PSD3: variants seen among roughly 807,000 people sequenced by gnomAD.
PSD3 encodes the protein PH and SEC7 domain-containing protein 3.
In PSD3, 49 loss-of-function variants were observed where a neutral mutation model predicts 105.5. That is an observed-to-expected ratio of 0.46 (90% CI 0.37 to 0.59). The LOEUF is 0.59. Among genes scored for constraint, PSD3 ranks in the 20% least tolerant of loss-of-function variants. PSD3 has a pLI of 0.00. For missense variants in PSD3, 1,561 were observed against 1,263.8 expected (o/e 1.24, Z -3.57); for synonymous variants, 557 against 457.8 (o/e 1.22, Z -2.77).
At chr8:18,954,752 G>A (rs1823458518) in intron 1 of PSD3, among the ~76,000 whole-genome samples, 1 of 152,124 alleles carries the variant, frequency 6.6e-6, no homozygotes, top group Non-Finnish European at 1.5e-5. Context: ...TGTTTTCGCA[G>A]GCCTGCAGTG....
intron 1 of PSD3, among the ~76,000 whole-genome samples, chr8:18,968,984 A>G (rs1457780672): frequency 6.6e-6 from 1 of 152,156 alleles, no homozygotes; most frequent in Non-Finnish European, 1.5e-5. Context: ...GACAATTCCA[A>G]AGAAAAAAGA....
chr8:18,919,805 T>C (rs1465956610), intron 2 of PSD3, among the ~76,000 whole-genome samples: 1 of 128,624 alleles, frequency 7.8e-6, no homozygotes, highest in African/African-American at 3.0e-5. Context: ...AACAATGAGA[T>C]CACATGGACA....
intron 1 of PSD3, among the ~76,000 whole-genome samples, chr8:19,030,919 G>GT (rs1563519424): frequency 1.3e-5 from 2 of 152,022 alleles, no homozygotes; most frequent in African/African-American, 4.8e-5. Flanking sequence ...ATTTCTAAAC[G>GT]TAACTCCTTG....
intron 12 of PSD3, 41 bp from the exon 13 acceptor site, chr8:18,575,326 T>C (rs1442342862): frequency 2.7e-6 from 4 of 1,506,330 alleles, no homozygotes; most frequent in Admixed American, 2.2e-5. Flanking sequence ...AAAATCACGA[T>C]CAGATTTCAA....
intron 1 of PSD3, among the ~76,000 whole-genome samples, chr8:18,987,261 G>T (rs57243602): frequency 6.8e-6 from 1 of 147,622 alleles, no homozygotes; most frequent in Non-Finnish European, 1.5e-5. Context: ...TTATTTTAGA[G>T]AAATTTATTT....
chr8:19,000,236 A>C (rs1450151584), intron 1 of PSD3, among the ~76,000 whole-genome samples: 1 of 151,626 alleles, frequency 6.6e-6, no homozygotes, highest in African/African-American at 2.4e-5. Context: ...ACAAAAAGTT[A>C]AAATACAAAA....
intron 4 of PSD3, among the ~76,000 whole-genome samples, chr8:18,854,710 A>G (rs550338170): frequency 2.0e-5 from 3 of 152,358 alleles, no homozygotes; most frequent in Non-Finnish European, 2.9e-5. Flanking sequence ...ATTATACACA[A>G]TTTAGCTCTG....
chr8:18,589,642 A>G (rs1803450374), intron 12 of PSD3, among the ~76,000 whole-genome samples: 1 of 152,348 alleles, frequency 6.6e-6, no homozygotes, highest in Middle Eastern at 3.4e-3. Flanking sequence ...ATGTTAATGA[A>G]AGATATGGGT....
At chr8:18,833,799 G>C (rs1813874390) in intron 4 of PSD3, among the ~76,000 whole-genome samples, 1 of 152,042 alleles carries the variant, frequency 6.6e-6, no homozygotes. Flanking sequence ...AGAAAAAATA[G>C]AAAAAGGTAG....
At chr8:18,953,635 G>C (rs957541646) in intron 1 of PSD3, among the ~76,000 whole-genome samples, 1 of 152,042 alleles carries the variant, frequency 6.6e-6, no homozygotes, top group Non-Finnish European at 1.5e-5. Flanking sequence ...TGTAATCCCA[G>C]CTACTCGGGA....
At chr8:18,722,204 G>A (rs1379222870) in intron 9 of PSD3, among the ~76,000 whole-genome samples, 2 of 151,962 alleles carry the variant, frequency 1.3e-5, no homozygotes, top group African/African-American at 4.8e-5. Flanking sequence ...GGAGGTGGGA[G>A]TAATATGTCA....
Position 18,575,192 on chromosome 8 carries a change from C to T in PSD3, c.2575G>A (p.Glu859Lys), listed in dbSNP as rs1454581954. ...AGTTTAAACACGTTTGGTTTCTTCTCATAGTCCGTGGCCTTGGATGCCAAT... is the reference window on the plus strand; with the variant it reads ...AGTTTAAACACGTTTGGTTTCTTCTTATAGTCCGTGGCCTTGGATGCCAAT... ...HALASKATDY[E>K]KKPNVFKLKT... The change falls in exon 13 of 16, where the codon GAG becomes AAG. Residue 859 changes from glutamate (E) to lysine (K), a missense_variant. By Grantham distance (56) the Glu-to-Lys change is moderately conservative (BLOSUM62 1). Transcript: ENST00000327040. 6.2e-7 allele frequency: 1 copy of T among 1,613,954 alleles called. No individual in the cohort carries two copies. The highest frequency in any genetic ancestry group is 8.5e-7 in the Non-Finnish European group (1 of 1,179,904).
intron 2 of PSD3, among the ~76,000 whole-genome samples, chr8:18,884,322 G>C (rs1818311128): frequency 6.6e-6 from 1 of 152,096 alleles, no homozygotes; most frequent in Non-Finnish European, 1.5e-5. Context: ...AGTGATACAT[G>C]ACTCAAATTT....
intron 11 of PSD3, among the ~76,000 whole-genome samples, chr8:18,606,338 T>C (rs1804827116): frequency 6.6e-6 from 1 of 152,184 alleles, no homozygotes; most frequent in Non-Finnish European, 1.5e-5. Flanking sequence ...TCCAAAAATG[T>C]CCTGAAGGCT....
At chr8:19,070,344 C>A in intron 1 of PSD3, among the ~76,000 whole-genome samples, 1 of 144,778 alleles carries the variant, frequency 6.9e-6, no homozygotes. Flanking sequence ...GATGTATTTA[C>A]ACTATTGTAT....
intron 2 of PSD3, among the ~76,000 whole-genome samples, chr8:18,879,567 G>A (rs1057465177): frequency 1.3e-5 from 2 of 152,072 alleles, no homozygotes; most frequent in Admixed American, 6.6e-5. Context: ...ACACTGAACC[G>A]TGAGAGATCA....
At chr8:18,711,169 A>G (rs1419884206) in intron 9 of PSD3, among the ~76,000 whole-genome samples, 1 of 152,228 alleles carries the variant, frequency 6.6e-6, no homozygotes, top group African/African-American at 2.4e-5. Flanking sequence ...AATGGTTACC[A>G]GCCACTACAA....
intron 7 of PSD3, among the ~76,000 whole-genome samples, chr8:18,800,653 T>C (rs1260317235): frequency 1.3e-5 from 2 of 152,344 alleles, no homozygotes; most frequent in South Asian, 2.1e-4. Flanking sequence ...AGTTTACCAT[T>C]AAGTCACTTA....
intron 10 of PSD3, among the ~76,000 whole-genome samples, chr8:18,635,016 T>C (rs541450413): frequency 8.5e-5 from 13 of 152,230 alleles, no homozygotes; most frequent in Admixed American, 2.0e-4. Flanking sequence ...CATTCATTAA[T>C]TGAAATTCTT....
Sources: gnomAD v4.1 joint callset for allele counts (sites outside exome capture counted in the v4.1 genomes callset) on GRCh38, gnomAD v4.1.1 for gene constraint, MANE v1.5 for transcripts, NCBI Gene and HGNC (gene_info 2026-07-23, HGNC 2026-07-21) for gene names.